The following MTCH2 variants were observed in gnomAD, a reference collection of about 807,000 sequenced individuals.
MTCH2 encodes the protein mitochondrial carrier homolog 2.
A neutral mutation model predicts 50.6 loss-of-function variants in MTCH2; 25 were observed. The observed-to-expected ratio is 0.49, with a 90% confidence interval of 0.36 to 0.69. The LOEUF (loss-of-function observed/expected upper bound fraction) is 0.69, where lower values mean the gene tolerates loss of function less well. MTCH2 is among the 30% of genes least tolerant of loss of function. The probability of loss-of-function intolerance (pLI) is 0.00; values close to 1 mark genes in which losing one functional copy is unlikely to be tolerated. For synonymous variants in MTCH2, 106 were observed against 132.0 expected (o/e 0.80, Z 1.35); for missense variants, 273 against 384.4 (o/e 0.71, Z 2.42).
chr11:47,628,750 G>A (rs1458182248), intron 9 of MTCH2, among the ~76,000 whole-genome samples: 2 of 152,052 alleles, frequency 1.3e-5, no homozygotes, highest in Admixed American at 6.6e-5. Flanking sequence ...AATTTTTTCT[G>A]TATTTTTAGT....
Position 47,622,783 on chromosome 11 carries a change from T to TTGTTGGC in MTCH2, c.750-8_750-7insGCCAACA. 4.2e-5 allele frequency: 66 copies of TTGTTGGC among 1,582,490 alleles called. No individual in the cohort carries two copies. In the Admixed American group the frequency reaches 4.4e-4, roughly 11 times the overall value. ...AGGGCATCCACCAGCAAGACTAAAA[T>TTGTTGGC]AGAAAAAAACATGGAGCTATTCATG... On this transcript the variant is annotated splice_polypyrimidine_tract_variant and splice_region_variant and intron_variant, in intron 11 of 12. Transcript: ENST00000302503.
the MTCH2 span, among the ~76,000 whole-genome samples, chr11:47,605,575 G>C: frequency 5.3e-5 from 8 of 152,188 alleles, no homozygotes; most frequent in Admixed American, 1.3e-4. Flanking sequence ...AATTTGGCAA[G>C]TGTAGTGGGC....
At chr11:47,630,902 T>C in intron 7 of MTCH2, 134 bp downstream of exon 7, 1 of 812,744 alleles carries the variant, frequency 1.2e-6, no homozygotes, top group Non-Finnish European at 1.9e-6. Flanking sequence ...TATTGTTTTT[T>C]GTGCAGATCA....
chr11:47,631,352 T>C (rs766069906), intron 6 of MTCH2, among the ~76,000 whole-genome samples: 6 of 152,050 alleles, frequency 3.9e-5, no homozygotes, highest in Non-Finnish European at 8.8e-5. Flanking sequence ...GAGGTTGCAG[T>C]GAGCCAAGAT....
At position 47,619,986 on chromosome 11, in the gene MTCH2, G is replaced by C. The variant is rs112542828; in HGVS notation, c.826-1067C>G. Among the ~76,000 whole-genome samples the C allele has an allele frequency of 1.9e-3, 293 of 152,118 alleles. 1 individual carries two copies. Among genetic ancestry groups the C allele is most frequent in the Middle Eastern group, 0.014 (4 of 294 alleles). On this transcript the variant is annotated intron_variant, in intron 12 of 12. Coordinates refer to ENST00000302503, the MANE Select transcript of MTCH2 (RefSeq NM_014342.4). ...CAGCTACTCAGGAGGCTGAGGCAGGGGAATTGCTTGAACCTGGGAGGTGAA... is the reference window on the plus strand; with the variant it reads ...CAGCTACTCAGGAGGCTGAGGCAGGCGAATTGCTTGAACCTGGGAGGTGAA...
chr11:47,616,672 C>CT (rs1238307644), downstream of MTCH2, among the ~76,000 whole-genome samples: 839 of 148,058 alleles, frequency 5.7e-3, 8 homozygotes, highest in African/African-American at 0.02. Context: ...GCATGTGTTT[C>CT]TTTTTTTTTC....
In MTCH2 at chr11:47,633,401, C is replaced by T. The variant is rs747544939; in HGVS notation, c.369+1271G>A. On this transcript the variant is annotated intron_variant, in intron 5 of 12. Coordinates refer to ENST00000302503, the MANE Select transcript of MTCH2 (RefSeq NM_014342.4). ...TTGGGATTACAGGTGTAAGCCACCA[C>T]GCCCGGCCGTATCCCTGCTTTTAAG... 1.5e-4 allele frequency among the ~76,000 whole-genome samples: 23 copies of T among 148,994 alleles called. No individual in the cohort carries two copies. The South Asian group carries it at 3.2e-3, about 20-fold the overall frequency.
chr11:47,612,639 T>C (rs149956257), downstream of MTCH2, among the ~76,000 whole-genome samples: 4,150 of 151,152 alleles, frequency 0.027, 191 homozygotes, highest in African/African-American at 0.096. Context: ...GGGAGAATCA[T>C]CTGAGCTTGG....
chr11:47,627,231 G>A (rs1197005033), intron 9 of MTCH2, 104 bp from the exon 10 acceptor site: 10 of 819,764 alleles, frequency 1.2e-5, no homozygotes, highest in Admixed American at 3.3e-5. Flanking sequence ...TTCAGACAGT[G>A]CCTCACTCTG....
chr11:47,642,530 A>T lies in MTCH2; in HGVS notation c.-65T>A. ...CCAAGCGACCCGGTGAGCCGGTCCT[A>T]GGTCACGTGCCAGGGCCGCCGGTTT... On this transcript the variant is annotated 5_prime_UTR_variant, in exon 1 of 13. Coordinates refer to ENST00000302503, the MANE Select transcript of MTCH2 (RefSeq NM_014342.4). 1 of 1,459,602 alleles carries T rather than the reference A, an allele frequency of 6.9e-7. No homozygotes were observed. The highest frequency in any genetic ancestry group is 9.2e-7 in the Non-Finnish European group (1 of 1,083,234). 90.4% of individuals were successfully genotyped at this position (1,459,602 alleles called of 1,614,324 possible).
At position 47,618,495 on chromosome 11, in the gene MTCH2, C is replaced by T; in HGVS notation, c.*338G>A. 1 of 256,218 alleles carries T rather than the reference C, an allele frequency of 3.9e-6. No homozygotes were observed. The highest frequency in any genetic ancestry group is 7.5e-6 in the Non-Finnish European group (1 of 134,188). The allele number at this position is 256,218 out of a possible 1,614,324, so 15.9% of individuals were successfully genotyped here. ...ATTATTTCTCATTTTTCTTGGAATT[C>T]TACTCTTCATTTTACAAAGCCTTAA... is the stretch of plus-strand genomic sequence containing the variant. On this transcript the variant is annotated 3_prime_UTR_variant, in exon 13 of 13. Transcript: ENST00000302503.
chr11:47,633,526 A>ATATAT (rs1378774715), intron 5 of MTCH2, among the ~76,000 whole-genome samples: 2 of 35,078 alleles, frequency 5.7e-5, no homozygotes, highest in African/African-American at 1.7e-4. Context: ...ATATATATAT[A>ATATAT]TTTTTTTTTT....
chr11:47,609,997 T>C, the MTCH2 span, among the ~76,000 whole-genome samples: 3 of 152,172 alleles, frequency 2.0e-5, no homozygotes, highest in East Asian at 1.9e-4. Context: ...GCTTGGGGAA[T>C]AGGGGCATAA....
At chr11:47,630,915 T>C in intron 7 of MTCH2, 121 bp downstream of exon 7, 1 of 880,158 alleles carries the variant, frequency 1.1e-6, no homozygotes, top group Middle Eastern at 3.0e-4. Context: ...GCAGATCAAA[T>C]GACATCAGAT....
At chr11:47,623,590 G>A (rs1050075389) in intron 11 of MTCH2, among the ~76,000 whole-genome samples, 5 of 152,032 alleles carry the variant, frequency 3.3e-5, no homozygotes, top group African/African-American at 4.8e-5. Flanking sequence ...GTTGCTCTAC[G>A]TATCAGAAAA....
chr11:47,637,082 C>T (rs1377422064), intron 3 of MTCH2, among the ~76,000 whole-genome samples: 1 of 152,062 alleles, frequency 6.6e-6, no homozygotes, highest in African/African-American at 2.4e-5. Context: ...CTCTACCTCC[C>T]AGATTCAAGC....
chr11:47,632,521 T>C (rs1233027903), intron 5 of MTCH2, among the ~76,000 whole-genome samples: 2 of 151,448 alleles, frequency 1.3e-5, no homozygotes, highest in Non-Finnish European at 2.9e-5. Context: ...GCCCGGCTAA[T>C]TTTTTTTCTT....
At chr11:47,609,407 A>G in the MTCH2 span, among the ~76,000 whole-genome samples, 6 of 145,780 alleles carry the variant, frequency 4.1e-5, no homozygotes, top group African/African-American at 1.3e-4. Context: ...GCAGTGAGCC[A>G]AGATTGTGCC....
rs1199048252 is a variant in MTCH2 at position 47,618,759 on chromosome 11, T to A, written c.*74A>T. The A allele has an allele frequency of 7.0e-7, 1 of 1,436,820 alleles. No individual in the cohort carries two copies. 89.0% of individuals were successfully genotyped at this position (1,436,820 alleles called of 1,614,324 possible). On this transcript the variant is annotated 3_prime_UTR_variant, in exon 13 of 13. Transcript: ENST00000302503. ...TATTAAAAAAGCGCGCCACACTGTA[T>A]AGAAATCAACATTCTCTCCCATAAT...
Sources: allele counts gnomAD v4.1 joint callset (sites outside exome capture counted in the v4.1 genomes callset), GRCh38; gene constraint gnomAD v4.1.1; transcripts MANE v1.5; gene names NCBI Gene and HGNC (gene_info 2026-07-23, HGNC 2026-07-21).